Variants in PTPRG observed in about 807,000 individuals in gnomAD.
PTPRG encodes the protein protein tyrosine phosphatase receptor type G.
Under a neutral mutation model 165.3 loss-of-function variants are expected in PTPRG, and 102 were observed. The ratio of observed to expected loss-of-function variants is 0.62; its 90% CI spans 0.53 to 0.73. The LOEUF (loss-of-function observed/expected upper bound fraction) is 0.73. PTPRG is among the 30% of genes least tolerant of loss of function. The probability of loss-of-function intolerance (pLI) is 0.00; values close to 1 mark genes in which losing one functional copy is unlikely to be tolerated. For synonymous variants in PTPRG, 675 were observed against 669.5 expected (o/e 1.01, Z -0.13); for missense variants, 1,866 against 1,861.4 (o/e 1.00, Z -0.05).
rs779327705 is a variant in PTPRG at position 62,293,150 on chromosome 3, T to C, written c.4192-11T>C. On this transcript the variant is annotated splice_polypyrimidine_tract_variant and intron_variant, in intron 29 of 29. Coordinates refer to ENST00000474889, the MANE Select transcript of PTPRG (RefSeq NM_002841.4). ...TTCTTTGGCTCAAACTGTCTTCCTC[T>C]TGTTTTTCAGGAACAATACCAGTTC... is the stretch of plus-strand genomic sequence containing the variant. The C allele has an allele frequency of 1.9e-6, 3 of 1,559,480 alleles. No homozygotes were observed. Among genetic ancestry groups the C allele is most frequent in the East Asian group, 2.3e-5 (1 of 43,840 alleles).
intron 7 of PTPRG, among the ~76,000 whole-genome samples, chr3:62,163,536 A>G (rs1201568378): frequency 1.3e-5 from 2 of 152,216 alleles, no homozygotes; most frequent in African/African-American, 4.8e-5. Flanking sequence ...AACCAAAATA[A>G]TGTCTGTAAA....
intron 1 of PTPRG, among the ~76,000 whole-genome samples, chr3:61,663,640 A>G (rs575734598): frequency 2.6e-5 from 4 of 152,070 alleles, no homozygotes; most frequent in Non-Finnish European, 5.9e-5. Context: ...TGCAATATAT[A>G]ATGAAATAAT....
At chr3:61,663,073 C>T (rs1702711030) in intron 1 of PTPRG, among the ~76,000 whole-genome samples, 2 of 152,118 alleles carry the variant, frequency 1.3e-5, no homozygotes, top group African/African-American at 4.8e-5. Flanking sequence ...CACTTGAGCA[C>T]AGGAATTTGA....
intron 1 of PTPRG, among the ~76,000 whole-genome samples, chr3:61,729,053 C>A (rs1044434131): frequency 6.9e-6 from 1 of 145,582 alleles, no homozygotes; most frequent in Non-Finnish European, 1.5e-5. Flanking sequence ...CAGAGAGAGA[C>A]CCTGTCTCAA....
chr3:62,016,138 A>C, intron 4 of PTPRG, among the ~76,000 whole-genome samples: 1 of 152,174 alleles, frequency 6.6e-6, no homozygotes, highest in East Asian at 1.9e-4. Flanking sequence ...TACTTTGAGC[A>C]GGATTTGGCA....
In PTPRG at chr3:62,186,567, C is replaced by CTT. The variant is rs35133425; in HGVS notation, c.1034-4886_1034-4885dup. Among the ~76,000 whole-genome samples, 33 of 117,508 alleles carry CTT rather than the reference C, an allele frequency of 2.8e-4. 1 individual carries two copies. The highest frequency in any genetic ancestry group is 8.0e-4 in the East Asian group (3 of 3,740). 77.1% of individuals were successfully genotyped at this position (117,508 alleles called of 152,430 possible). A position where few individuals can be genotyped will look rare whatever the true frequency, so the allele number is the denominator to read the frequency against. On this transcript the variant is annotated intron_variant, in intron 8 of 29. Coordinates refer to ENST00000474889, the MANE Select transcript of PTPRG (RefSeq NM_002841.4). Reference sequence around the variant, plus strand: ...GTTGAAGCTGGATTTTTTTCTTTTCCTTTTTTTTTTTTTTTTTGAGATAGG... The same window carrying CTT: ...GTTGAAGCTGGATTTTTTTCTTTTCCTTTTTTTTTTTTTTTTTTTGAGATAGG...
At chr3:61,844,076 G>T (rs1225942031) in intron 2 of PTPRG, among the ~76,000 whole-genome samples, 1 of 150,484 alleles carries the variant, frequency 6.6e-6, no homozygotes, top group Non-Finnish European at 1.5e-5. Context: ...CGATTCTCCT[G>T]CCTCAGCCTC....
rs1165970891 is a variant in PTPRG, at chr3:62,213,471, C to G, written c.2156-5380C>G. ...GTTACATAGCCATAACTTACATAGT[C>G]TGTTTTCACACGGACGATCTTTTTT... On this transcript the variant is annotated intron_variant, in intron 12 of 29. Coordinates refer to ENST00000474889, the MANE Select transcript of PTPRG (RefSeq NM_002841.4). The surrounding 1 kb of genome is among the most constrained non-coding windows in gnomAD (Gnocchi z 4.4). Among the ~76,000 whole-genome samples, 1 of 152,160 alleles carries G rather than the reference C, an allele frequency of 6.6e-6. No individual in the cohort carries two copies. The highest frequency in any genetic ancestry group is 1.9e-4 in the East Asian group (1 of 5,184).
chr3:61,672,547 G>T (rs1283743480), intron 1 of PTPRG, among the ~76,000 whole-genome samples: 1 of 143,820 alleles, frequency 7.0e-6, no homozygotes, highest in African/African-American at 2.6e-5. Context: ...GCGAAACCCC[G>T]TCTCCACCAA....
intron 4 of PTPRG, among the ~76,000 whole-genome samples, chr3:62,031,881 C>T (rs985090339): frequency 3.3e-5 from 5 of 151,962 alleles, no homozygotes; most frequent in Non-Finnish European, 7.4e-5. Context: ...GTGGAAGTGG[C>T]GGGTGTAGGA....
At chr3:61,602,186 T>G (rs1700887920) in intron 1 of PTPRG, among the ~76,000 whole-genome samples, 1 of 152,146 alleles carries the variant, frequency 6.6e-6, no homozygotes, top group South Asian at 2.1e-4. Flanking sequence ...CTGTGGGTAC[T>G]TCTAGCCTTT....
chr3:62,127,917 A>C (rs1413062123), intron 5 of PTPRG, among the ~76,000 whole-genome samples: 1 of 152,204 alleles, frequency 6.6e-6, no homozygotes, highest in South Asian at 2.1e-4. Flanking sequence ...TAGCTTGGCT[A>C]CTAATTTGAT....
intron 2 of PTPRG, among the ~76,000 whole-genome samples, chr3:61,921,349 G>A (rs577475223): frequency 6.6e-6 from 1 of 152,274 alleles, no homozygotes; most frequent in South Asian, 2.1e-4. Flanking sequence ...ACAGAAAGCT[G>A]AGATGGAAAA....
chr3:61,871,977 C>G (rs1056822975), intron 2 of PTPRG, among the ~76,000 whole-genome samples: 1 of 152,224 alleles, frequency 6.6e-6, no homozygotes, highest in African/African-American at 2.4e-5. Context: ...CTCTCAACAG[C>G]TGAAATACCT....
At position 61,783,440 on chromosome 3, in the gene PTPRG, T is replaced by C. The variant is rs536548516; in HGVS notation, c.190+34458T>C. On this transcript the variant is annotated intron_variant, in intron 2 of 29. Transcript: ENST00000474889. ...CATTGTATTTAGGGTTGAGTAGATA[T>C]AGATGCCAGTTCACACAGTATCACC... Among the ~76,000 whole-genome samples, 7 of 152,276 alleles carry C rather than the reference T, an allele frequency of 4.6e-5. No homozygotes were observed. In the South Asian group the frequency reaches 8.3e-4, roughly 18 times the overall value.
At chr3:61,799,615 TAGAAGATAAC>T (rs1335051703) in intron 2 of PTPRG, among the ~76,000 whole-genome samples, 1 of 152,198 alleles carries the variant, frequency 6.6e-6, no homozygotes, top group Non-Finnish European at 1.5e-5. Flanking sequence ...GGTTTTGGGG[TAGAAGATAAC>T]ACAGGTAAAG....
intron 5 of PTPRG, chr3:62,124,541 G>T: frequency 6.8e-7 from 1 of 1,468,194 alleles, no homozygotes; most frequent in Non-Finnish European, 9.5e-7. Flanking sequence ...TTTGCTCTGG[G>T]AGATGCCCAG....
Position 62,271,249 on chromosome 3 carries a change from G to A in PTPRG, c.3010-134G>A, listed in dbSNP as rs879317205. The A allele has an allele frequency of 1.0e-5, 7 of 695,838 alleles. No homozygotes were observed. The highest frequency in any genetic ancestry group is 1.1e-5 in the Non-Finnish European group (5 of 438,318). 43.1% of individuals were successfully genotyped at this position (695,838 alleles called of 1,614,324 possible). On this transcript the variant is annotated intron_variant, in intron 20 of 29. Coordinates refer to ENST00000474889, the MANE Select transcript of PTPRG (RefSeq NM_002841.4). This position sits in a 1 kb window ranked among gnomAD's most constrained non-coding sequence, Gnocchi z 4.1. ...AATGGCATGAAAGTTGGCTACAAGG[G>A]GGAATAACCTAGCCTGGGAACAGTG...
intron 2 of PTPRG, among the ~76,000 whole-genome samples, chr3:61,941,907 C>G (rs1466582467): frequency 6.6e-6 from 1 of 151,814 alleles, no homozygotes; most frequent in African/African-American, 2.4e-5. Context: ...GCCTGTAATC[C>G]CAATACTTTG....
Sources: allele counts gnomAD v4.1 joint callset (sites outside exome capture counted in the v4.1 genomes callset), GRCh38; gene constraint gnomAD v4.1.1; non-coding constraint Gnocchi (gnomAD v3.1); transcripts MANE v1.5; gene names NCBI Gene and HGNC (gene_info 2026-07-23, HGNC 2026-07-21).